The following CR1 variants were observed in gnomAD, a reference collection of about 807,000 sequenced individuals.
CR1 encodes complement C3b/C4b receptor 1 (Knops blood group), also known as complement receptor type 1.
In CR1, 116 loss-of-function variants were observed where a neutral mutation model predicts 187.3. The ratio of observed to expected loss-of-function variants is 0.62; its 90% CI spans 0.53 to 0.72. The LOEUF (loss-of-function observed/expected upper bound fraction) is 0.72, where lower values mean the gene tolerates loss of function less well. Among genes scored for constraint, CR1 ranks in the 30% least tolerant of loss-of-function variants. The pLI is 0.00. For synonymous variants in CR1, 576 were observed against 747.1 expected (o/e 0.77, Z 3.73); for missense variants, 1,731 against 2,110.7 (o/e 0.82, Z 3.52).
At chr1:207,589,707 G>A (rs547292973) in intron 35 of CR1, among the ~76,000 whole-genome samples, 8 of 152,228 alleles carry the variant, frequency 5.3e-5, no homozygotes, top group Admixed American at 1.3e-4. Flanking sequence ...GCAAGGAAGC[G>A]AAGAACCTTG....
intron 29 of CR1, among the ~76,000 whole-genome samples, chr1:207,578,644 T>C (rs1393371124): frequency 6.6e-6 from 1 of 152,254 alleles, no homozygotes. Context: ...TTAAATAAAT[T>C]AGCTAAGTCA....
intron 27 of CR1, among the ~76,000 whole-genome samples, chr1:207,574,721 T>C (rs772193081): frequency 6.6e-6 from 1 of 152,202 alleles, no homozygotes; most frequent in Non-Finnish European, 1.5e-5. Context: ...AGACTGACTA[T>C]ATAGAGTTTG....
At chr1:207,632,797 C>CAAAAAA (rs55649027) in intron 46 of CR1, among the ~76,000 whole-genome samples, 41 of 107,630 alleles carry the variant, frequency 3.8e-4, no homozygotes, top group African/African-American at 1.4e-3. Flanking sequence ...GACTCCGTCT[C>CAAAAAA]AAAAAAAAAA....
Position 207,577,831 on chromosome 1 carries a change from A to G in CR1, c.4564A>G (p.Ile1522Val), listed in dbSNP as rs527886855. 6.2e-7 allele frequency: 1 copy of G among 1,613,944 alleles called. No individual in the cohort carries two copies. Among genetic ancestry groups the G allele is most frequent in the African/African-American group, 1.3e-5 (1 of 75,038 alleles). ...QRIPCGLPPTIANGDFISTNR... is the reference protein window; with the variant it reads ...QRIPCGLPPTVANGDFISTNR... ...AATTCCTTGTGGGCTACCCCCAACC[A>G]TCGCCAATGGAGATTTCATTAGCAC... Residue 1522 changes from isoleucine (I) to valine (V), a missense_variant, in exon 29 of 47, where the codon ATC (isoleucine) becomes GTC (valine). By Grantham distance (29) the Ile-to-Val change is conservative. Around this residue, in one of 5 missense-constraint regions of CR1, gnomAD observed 1,312 missense variants for 1,379.6 expected, o/e 0.95. Transcript: ENST00000367049.
At chr1:207,577,394 A>G (rs1327041324) in intron 28 of CR1, among the ~76,000 whole-genome samples, 3 of 152,262 alleles carry the variant, frequency 2.0e-5, no homozygotes, top group Admixed American at 6.5e-5. Flanking sequence ...ATATTAGATG[A>G]GAATAATATT....
chr1:207,581,418 AACATATGTATATAT>A (rs1660951635), intron 31 of CR1, among the ~76,000 whole-genome samples: 1 of 150,636 alleles, frequency 6.6e-6, no homozygotes, highest in South Asian at 2.1e-4. Context: ...ATATATATGG[AACATATGTATATAT>A]ACATATGTAT....
intron 31 of CR1, 143 bp downstream of exon 31, chr1:207,580,756 G>A: frequency 1.3e-6 from 1 of 796,240 alleles, no homozygotes; most frequent in South Asian, 1.9e-5. Flanking sequence ...TTAAAATAAA[G>A]GTAGGGACTA....
chr1:207,506,445 C>T, intron 2 of CR1, among the ~76,000 whole-genome samples: 2 of 152,058 alleles, frequency 1.3e-5, no homozygotes, highest in African/African-American at 2.4e-5. Flanking sequence ...TTGGATTATA[C>T]CAGTTGAATT....
chr1:207,589,906 C>CA (rs1661222005), intron 35 of CR1, among the ~76,000 whole-genome samples: 1 of 150,166 alleles, frequency 6.7e-6, no homozygotes, highest in African/African-American at 2.4e-5. Flanking sequence ...AGCATGAAGA[C>CA]AAAAAAAGAA....
chr1:207,600,441 C>T (rs1661572145), intron 35 of CR1, among the ~76,000 whole-genome samples: 1 of 152,050 alleles, frequency 6.6e-6, no homozygotes, highest in Admixed American at 6.6e-5. Context: ...TGATATAACT[C>T]CACAGAGTAT....
intron 35 of CR1, among the ~76,000 whole-genome samples, chr1:207,603,350 C>T (rs1394978735): frequency 6.6e-6 from 1 of 152,098 alleles, no homozygotes; most frequent in Non-Finnish European, 1.5e-5. Flanking sequence ...TTTTAAGGCA[C>T]AAATATGTTG....
At chr1:207,631,325 G>C (rs1375782588) in intron 46 of CR1, among the ~76,000 whole-genome samples, 1 of 152,098 alleles carries the variant, frequency 6.6e-6, no homozygotes, top group Non-Finnish European at 1.5e-5. Flanking sequence ...AATCCAGCTG[G>C]CCACTTGTTT....
At chr1:207,522,764 T>A (rs774001029) in intron 4 of CR1, among the ~76,000 whole-genome samples, 24 of 152,370 alleles carry the variant, frequency 1.6e-4, no homozygotes, top group African/African-American at 4.8e-4. Context: ...TATTTTTAAT[T>A]TTAATTCATT....
intron 35 of CR1, among the ~76,000 whole-genome samples, chr1:207,592,149 A>C (rs561849116): frequency 6.6e-6 from 1 of 152,314 alleles, no homozygotes; most frequent in East Asian, 1.9e-4. Context: ...AAAAAAGGAA[A>C]ATTTCAGGCC....
At position 207,515,578 on chromosome 1, in the gene CR1, T is replaced by C. The variant is rs756236805; in HGVS notation, c.487+3924T>C. On this transcript the variant is annotated intron_variant, in intron 4 of 46. Coordinates refer to ENST00000367049, the MANE Select transcript of CR1 (RefSeq NM_000651.6). ...AGATACTCTTTTGTGTCCAGCTTCA[T>C]CTCAATGTTATATTTGGAAGAGTCA... Among the ~76,000 whole-genome samples the C allele has an allele frequency of 6.1e-4, 93 of 152,236 alleles. 1 individual carries two copies. Among genetic ancestry groups the C allele is most frequent in the Non-Finnish European group, 8.8e-4 (60 of 67,994 alleles).
chr1:207,635,174 G>A (rs3207522), intron 46 of CR1, among the ~76,000 whole-genome samples: 1 of 152,054 alleles, frequency 6.6e-6, no homozygotes, highest in African/African-American at 2.4e-5. Context: ...CTAGAGACTT[G>A]GAAAAGAAAG....
chr1:207,612,944 A>G (rs6701713), intron 39 of CR1, among the ~76,000 whole-genome samples: 113,567 of 152,138 alleles, frequency 0.75, 43,277 homozygotes, highest in South Asian at 0.9. Flanking sequence ...CCAACAGATG[A>G]CAGTGTGCTT....
intron 31 of CR1, among the ~76,000 whole-genome samples, 157 bp from the exon 32 acceptor site, chr1:207,581,761 A>G (rs753404222): frequency 3.3e-5 from 5 of 152,190 alleles, no homozygotes; most frequent in East Asian, 1.9e-4. Context: ...GAGCCCGTCA[A>G]TGAGAAACTA....
At chr1:207,514,317 G>A (rs949562528) in intron 4 of CR1, among the ~76,000 whole-genome samples, 4 of 151,896 alleles carry the variant, frequency 2.6e-5, no homozygotes, top group South Asian at 2.1e-4. Flanking sequence ...CAATTTAGTG[G>A]TGTTTAGTAT....
Sources: allele counts gnomAD v4.1 joint callset (sites outside exome capture counted in the v4.1 genomes callset), GRCh38; gene constraint gnomAD v4.1.1; regional missense constraint gnomAD v4.1.1; transcripts MANE v1.5; gene names NCBI Gene and HGNC (gene_info 2026-07-23, HGNC 2026-07-21).